MRPS27: variants seen among roughly 807,000 people sequenced by gnomAD.
MRPS27 encodes small ribosomal subunit protein mS27.
In MRPS27, 43 loss-of-function variants were observed where a neutral mutation model predicts 48.9. The observed-to-expected ratio is 0.88, with a 90% CI of 0.69 to 1.13. MRPS27 has a LOEUF of 1.13. MRPS27 is among the 50% of genes most tolerant of loss of function. The pLI is 0.00. For missense variants in MRPS27, 467 were observed against 476.3 expected (o/e 0.98, Z 0.18); for synonymous variants, 188 against 171.9 (o/e 1.09, Z -0.73).
At chr5:72,283,442 C>T (rs1477524355) in intron 4 of MRPS27, among the ~76,000 whole-genome samples, 3 of 152,188 alleles carry the variant, frequency 2.0e-5, no homozygotes, top group African/African-American at 7.2e-5. Flanking sequence ...AGCTTCTGAA[C>T]TTGAAGTCAG....
At chr5:72,271,574 A>G (rs1282782701) in intron 4 of MRPS27, among the ~76,000 whole-genome samples, 1 of 152,224 alleles carries the variant, frequency 6.6e-6, no homozygotes, top group Admixed American at 6.5e-5. Flanking sequence ...ACAGGTAAAT[A>G]TAATGTGTGA....
chr5:72,282,549 G>GA (rs35601264), intron 4 of MRPS27, among the ~76,000 whole-genome samples: 2 of 151,728 alleles, frequency 1.3e-5, no homozygotes, highest in East Asian at 1.9e-4. Context: ...TTATACTGTA[G>GA]AAAAAAAAGA....
chr5:72,220,330 G>A lies in MRPS27; in HGVS notation c.*579C>T, dbSNP rs1747706328. 6.5e-6 allele frequency: 1 copy of A among 152,796 alleles called. No homozygotes were observed. The highest frequency in any genetic ancestry group is 1.5e-5 in the Non-Finnish European group (1 of 68,520). The allele number at this position is 152,796 out of a possible 1,614,324, so 9.5% of individuals were successfully genotyped here. A position where few individuals can be genotyped will look rare whatever the true frequency, so the allele number is the denominator to read the frequency against. On this transcript the variant is annotated 3_prime_UTR_variant, in exon 11 of 11. Transcript: ENST00000261413. The stretch of plus-strand genomic sequence containing the variant: ...GAGGTCAGGAGGTTGAGACCAGCCT[G>A]ACCAACATGGTGAAACCCCATCTCT...
intron 2 of MRPS27, among the ~76,000 whole-genome samples, chr5:72,303,116 T>C (rs1260252657): frequency 6.6e-6 from 1 of 152,092 alleles, no homozygotes; most frequent in Non-Finnish European, 1.5e-5. Flanking sequence ...GAATTTGGGG[T>C]ATAGGGCCAG....
At chr5:72,310,805 CAG>C (rs1343128993) in intron 2 of MRPS27, among the ~76,000 whole-genome samples, 1 of 152,136 alleles carries the variant, frequency 6.6e-6, no homozygotes, top group East Asian at 1.9e-4. Flanking sequence ...GGGAGAAAAA[CAG>C]TAACTCTGCA....
At chr5:72,228,168 C>T in intron 8 of MRPS27, 98 bp downstream of exon 8, 1 of 1,084,378 alleles carries the variant, frequency 9.2e-7, no homozygotes. Flanking sequence ...TTGGATTTCA[C>T]TGGTAAATTT....
chr5:72,253,026 T>C (rs981006103), intron 4 of MRPS27, among the ~76,000 whole-genome samples: 1 of 152,210 alleles, frequency 6.6e-6, no homozygotes, highest in African/African-American at 2.4e-5. Flanking sequence ...GTATGAAGAC[T>C]TCCCGTCAAT....
intron 4 of MRPS27, among the ~76,000 whole-genome samples, chr5:72,293,684 C>G (rs1246907603): frequency 6.6e-6 from 1 of 152,178 alleles, no homozygotes; most frequent in East Asian, 1.9e-4. Context: ...TCGGTAAATA[C>G]TTGTTGAAAT....
chr5:72,259,470 A>G (rs1490205778), intron 4 of MRPS27, among the ~76,000 whole-genome samples: 1 of 24,958 alleles, frequency 4.0e-5, no homozygotes, highest in East Asian at 6.2e-4. Context: ...CTTCGTCTCA[A>G]AAAAAAAAAA....
chr5:72,222,097 C>T (rs1256687668), intron 10 of MRPS27, among the ~76,000 whole-genome samples: 2 of 152,076 alleles, frequency 1.3e-5, no homozygotes, highest in East Asian at 3.9e-4. Flanking sequence ...CCAGGAGGGG[C>T]CAGAGGCCTA....
intron 4 of MRPS27, among the ~76,000 whole-genome samples, chr5:72,292,203 GTTTTTTTTTT>G (rs1213885749): frequency 5.4e-5 from 5 of 92,136 alleles, no homozygotes; most frequent in African/African-American, 1.3e-4. Flanking sequence ...GGTATTACCA[GTTTTTTTTTT>G]TTTTTTTTTT....
chr5:72,225,980 C>T, intron 9 of MRPS27, 77 bp downstream of exon 9: 2 of 1,512,036 alleles, frequency 1.3e-6, no homozygotes, highest in Non-Finnish European at 9.0e-7. Context: ...AGTGGAAAGA[C>T]AATGAAAACA....
intron 3 of MRPS27, among the ~76,000 whole-genome samples, chr5:72,296,973 T>C (rs991934343): frequency 6.6e-6 from 1 of 152,156 alleles, no homozygotes; most frequent in Non-Finnish European, 1.5e-5. Context: ...CCCAGATATA[T>C]TTGAAGCAGG....
chr5:72,304,061 CTT>C (rs1750193404), intron 2 of MRPS27, among the ~76,000 whole-genome samples: 1 of 151,848 alleles, frequency 6.6e-6, no homozygotes, highest in Non-Finnish European at 1.5e-5. Flanking sequence ...AAGGATAAAA[CTT>C]TATTATTAGA....
intron 4 of MRPS27, among the ~76,000 whole-genome samples, chr5:72,284,486 G>C (rs893534): frequency 1.3e-5 from 2 of 151,038 alleles, no homozygotes; most frequent in South Asian, 2.1e-4. Context: ...GAGAGAGAGA[G>C]ATGGAAAAAG....
At chr5:72,275,566 T>C (rs1291293489) in intron 4 of MRPS27, among the ~76,000 whole-genome samples, 2 of 152,222 alleles carry the variant, frequency 1.3e-5, no homozygotes, top group Non-Finnish European at 2.9e-5. Flanking sequence ...AGAGCCCATA[T>C]AGCCAAGACA....
chr5:72,314,045 G>GA, intron 2 of MRPS27, 36 bp downstream of exon 2: 1 of 1,506,934 alleles, frequency 6.6e-7, no homozygotes, highest in Non-Finnish European at 9.2e-7. Context: ...CAGAGTGACC[G>GA]AAAATGACAC....
intron 4 of MRPS27, among the ~76,000 whole-genome samples, chr5:72,241,050 T>C (rs1046605188): frequency 3.9e-5 from 6 of 152,208 alleles, no homozygotes; most frequent in South Asian, 2.1e-4. Flanking sequence ...TGTATATACA[T>C]TTTGAGAGAC....
At chr5:72,315,917 T>C (rs776421717) in intron 1 of MRPS27, among the ~76,000 whole-genome samples, 5 of 152,190 alleles carry the variant, frequency 3.3e-5, no homozygotes, top group African/African-American at 7.2e-5. Context: ...CACAGAAAAT[T>C]TGTAAACAAA....
Sources: allele counts gnomAD v4.1 joint callset (sites outside exome capture counted in the v4.1 genomes callset), GRCh38; gene constraint gnomAD v4.1.1; transcripts MANE v1.5; gene names NCBI Gene and HGNC (gene_info 2026-07-23, HGNC 2026-07-21).